Variants in AJAP1 observed in about 807,000 individuals in gnomAD.
AJAP1 encodes adherens junction-associated protein 1.
A neutral mutation model predicts 35.0 loss-of-function variants in AJAP1; 5 were observed. That is an observed-to-expected ratio of 0.14 (90% confidence interval 0.07 to 0.30). AJAP1 has a LOEUF of 0.30. AJAP1 is among the 10% of genes least tolerant of loss of function. The pLI is 1.00. For missense variants in AJAP1, 586 were observed against 571.0 expected, an observed-to-expected ratio of 1.03 and a Z score of -0.27; for synonymous variants, 284 against 249.3, an observed-to-expected ratio of 1.14 and a Z score of -1.31.
intron 2 of AJAP1, among the ~76,000 whole-genome samples, chr1:4,748,813 C>T (rs1012667607): frequency 2.0e-5 from 3 of 150,954 alleles, no homozygotes; most frequent in Admixed American, 2.0e-4. Context: ...GATGACAGGG[C>T]ACCCTGGAGT....
At chr1:4,777,892 C>A (rs941775413) in intron 5 of AJAP1, 17 of 152,328 alleles carry the variant, frequency 1.1e-4, no homozygotes, top group African/African-American at 3.8e-4. Context: ...AACATCCATA[C>A]CTTTCTGGAA....
intron 2 of AJAP1, among the ~76,000 whole-genome samples, chr1:4,747,827 A>C (rs1161327616): frequency 6.6e-6 from 1 of 151,944 alleles, no homozygotes; most frequent in African/African-American, 2.4e-5. Flanking sequence ...GTCTCTACTA[A>C]AAATACAAAA....
intron 2 of AJAP1, among the ~76,000 whole-genome samples, chr1:4,755,880 C>A (rs1002677193): frequency 4.6e-5 from 7 of 151,990 alleles, no homozygotes; most frequent in Non-Finnish European, 1.0e-4. Context: ...GGCTGTTAAA[C>A]CCACCTAACA....
intron 2 of AJAP1, 104 bp from the exon 3 acceptor site, chr1:4,769,749 C>T: frequency 1.1e-6 from 1 of 950,528 alleles, no homozygotes; most frequent in African/African-American, 1.6e-5. Context: ...TGGGACCTGG[C>T]ATCCCCAGCT....
At chr1:4,682,427 C>A (rs1639504014) in intron 1 of AJAP1, among the ~76,000 whole-genome samples, 1 of 152,248 alleles carries the variant, frequency 6.6e-6, no homozygotes, top group Non-Finnish European at 1.5e-5. Context: ...AATGCCTTTT[C>A]TCTGAGCCCA....
intron 2 of AJAP1, among the ~76,000 whole-genome samples, chr1:4,737,423 C>G (rs1198512135): frequency 6.6e-6 from 1 of 151,670 alleles, no homozygotes; most frequent in East Asian, 1.9e-4. Context: ...TTTTCTGGGG[C>G]TCGTGTTGGA....
In AJAP1 at chr1:4,712,347, G is replaced by T; in HGVS notation, c.477G>T (p.Leu159=). Residue 159 remains leucine (L), a synonymous_variant, in exon 2 of 6, where the codon CTG becomes CTT. Transcript: ENST00000378191. ...QALLRRGKRH[L]QGDGLSSFDS... is the part of the protein sequence containing the mutation. ...TCCTGAGGAGGGGCAAGAGGCACCT[G>T]CAGGGGGACGGTCTCAGCAGCTTCG... 2 of 1,502,864 alleles carry T rather than the reference G, an allele frequency of 1.3e-6. No homozygotes were observed. Among genetic ancestry groups the T allele is most frequent in the Non-Finnish European group, 1.8e-6 (2 of 1,123,150 alleles). The allele number at this position is 1,502,864 out of a possible 1,614,324, so 93.1% of individuals were successfully genotyped here.
chr1:4,701,923 T>C (rs912577723), intron 1 of AJAP1, among the ~76,000 whole-genome samples: 1 of 152,126 alleles, frequency 6.6e-6, no homozygotes, highest in Admixed American at 6.5e-5. Context: ...CTCCCTTCCC[T>C]TTCCTCCCCC....
chr1:4,697,267 G>A lies in AJAP1; in HGVS notation c.30-14633G>A, dbSNP rs531165272. Among the ~76,000 whole-genome samples the A allele has an allele frequency of 5.3e-5, 8 of 152,376 alleles. No homozygotes were observed. The South Asian group carries it at 1.7e-3, about 32-fold the overall frequency. ...TTATGCACATGTGACCTGTATATGT[G>A]AGTGTGGCACAGGATTAGATTCGTC... is the stretch of plus-strand genomic sequence containing the variant. On this transcript the variant is annotated intron_variant, in intron 1 of 5. Coordinates refer to ENST00000378191, the MANE Select transcript of AJAP1 (RefSeq NM_018836.4).
intron 3 of AJAP1, 118 bp from the exon 4 acceptor site, chr1:4,772,162 T>C (rs999758488): frequency 1.5e-5 from 20 of 1,292,418 alleles, no homozygotes; most frequent in Non-Finnish European, 2.2e-5. Context: ...TACCGTTTAA[T>C]ATGAAATGAT....
At chr1:4,662,487 C>T (rs759521610) in intron 1 of AJAP1, among the ~76,000 whole-genome samples, 2 of 152,224 alleles carry the variant, frequency 1.3e-5, no homozygotes, top group Non-Finnish European at 2.9e-5. Context: ...CCTGCTGATG[C>T]ACCGTTGGGT....
chr1:4,696,307 G>A (rs957473437), intron 1 of AJAP1, among the ~76,000 whole-genome samples: 1 of 152,192 alleles, frequency 6.6e-6, no homozygotes, highest in African/African-American at 2.4e-5. Flanking sequence ...ACACATGCCA[G>A]ACATTTTAAC....
At chr1:4,708,262 G>A (rs2100258501) in intron 1 of AJAP1, among the ~76,000 whole-genome samples, 1 of 152,156 alleles carries the variant, frequency 6.6e-6, no homozygotes, top group East Asian at 1.9e-4. Flanking sequence ...CACCATGTCT[G>A]GCCGGGCGGT....
chr1:4,699,130 T>G (rs1465489546), intron 1 of AJAP1, among the ~76,000 whole-genome samples: 1 of 152,022 alleles, frequency 6.6e-6, no homozygotes, highest in African/African-American at 2.4e-5. Context: ...CCCAGTGAGG[T>G]GAAGGGGCTC....
rs942918304 is a variant in AJAP1, at chr1:4,656,987, C to T, written c.29+1533C>T. On this transcript the variant is annotated intron_variant, in intron 1 of 5. Coordinates refer to ENST00000378191, the MANE Select transcript of AJAP1 (RefSeq NM_018836.4). The surrounding 1 kb of genome is among the most constrained non-coding windows in gnomAD (Gnocchi z 5.7). ...CTGTCCCAGGTCTCAGCAAGACCTT[C>T]CAAGGCTTTGTGAATGACCAGACGG... Among the ~76,000 whole-genome samples, 1 of 152,182 alleles carries T rather than the reference C, an allele frequency of 6.6e-6. No homozygotes were observed. The highest frequency in any genetic ancestry group is 1.5e-5 in the Non-Finnish European group (1 of 68,040).
intron 2 of AJAP1, among the ~76,000 whole-genome samples, chr1:4,715,608 C>G (rs1001385926): frequency 1.3e-5 from 2 of 152,142 alleles, no homozygotes; most frequent in Admixed American, 6.5e-5. Context: ...TCACTTGAAC[C>G]TGGGAGGTGG....
rs1640881206 is a variant in AJAP1, at chr1:4,734,908, C to T, written c.829+22209C>T. 6.6e-6 allele frequency among the ~76,000 whole-genome samples: 1 copy of T among 152,190 alleles called. No homozygotes were observed. The highest frequency in any genetic ancestry group is 1.5e-5 in the Non-Finnish European group (1 of 68,030). ...CTCAGCCTCCATCTGGCTTTCTGTC[C>T]ACCGGCACAGATGGCAATGTTGTTT... On this transcript the variant is annotated intron_variant, in intron 2 of 5. Transcript: ENST00000378191. The surrounding 1 kb of genome is among the most constrained non-coding windows in gnomAD (Gnocchi z 4.3).
intron 1 of AJAP1, among the ~76,000 whole-genome samples, chr1:4,695,136 G>A (rs573101032): frequency 5.9e-5 from 9 of 152,232 alleles, no homozygotes; most frequent in Admixed American, 1.3e-4. Flanking sequence ...GATGGAGGCA[G>A]GGATGCTACC....
intron 2 of AJAP1, among the ~76,000 whole-genome samples, chr1:4,768,583 C>T (rs1641746496): frequency 6.6e-6 from 1 of 152,230 alleles, no homozygotes; most frequent in African/African-American, 2.4e-5. Context: ...GTTCTCACCC[C>T]AGCAGCCCAA....
Sources: allele counts gnomAD v4.1 joint callset (sites outside exome capture counted in the v4.1 genomes callset), GRCh38; gene constraint gnomAD v4.1.1; non-coding constraint Gnocchi (gnomAD v3.1); transcripts MANE v1.5; gene names NCBI Gene and HGNC (gene_info 2026-07-23, HGNC 2026-07-21).